The following RPA3 variants were observed in gnomAD, a reference collection of about 807,000 sequenced individuals.
RPA3 encodes the protein replication protein A 14 kDa subunit.
Under a neutral mutation model 13.7 loss-of-function variants are expected in RPA3, and 24 were observed. The ratio of observed to expected loss-of-function variants is 1.75; its 90% CI spans 1.27 to 2.46. The LOEUF (loss-of-function observed/expected upper bound fraction) is 2.46, where lower values mean the gene tolerates loss of function less well. Ranked by LOEUF, RPA3 falls within the 30% of genes most tolerant of loss-of-function variation. The pLI is 0.00. For missense variants in RPA3, 183 were observed against 151.0 expected (o/e 1.21, Z -1.11); for synonymous variants, 59 against 51.2 (o/e 1.15, Z -0.65).
intron 4 of RPA3, among the ~76,000 whole-genome samples, chr7:7,650,078 T>C (rs115237115): frequency 4.8e-4 from 73 of 152,356 alleles, no homozygotes; most frequent in African/African-American, 1.6e-3. Context: ...AGCATGCATA[T>C]TAATCTTGAA....
chr7:7,639,016 C>G, intron 6 of RPA3, 54 bp downstream of exon 6: 1 of 1,351,004 alleles, frequency 7.4e-7, no homozygotes, highest in Non-Finnish European at 1.0e-6. Context: ...CAAACCAAAT[C>G]AAGATGAAGA....
At chr7:7,701,853 G>T (rs62432582) in intron 2 of RPA3, among the ~76,000 whole-genome samples, 22,004 of 152,072 alleles carry the variant, frequency 0.14, 2,060 homozygotes, top group Non-Finnish European at 0.21. Flanking sequence ...GGGTGTATTT[G>T]CTTTCTTCAG....
rs556698006 is a variant in RPA3, at chr7:7,705,937, A to C, written c.-1028+9238T>G. On this transcript the variant is annotated intron_variant, in intron 2 of 7. Transcript: ENST00000223129. ...TCTGTACCTTCTGTTCAATTTTGCT[A>C]TGAACCTAAAACTGCTCTAAAAAAT... is the stretch of plus-strand genomic sequence containing the variant. 1.5e-4 allele frequency among the ~76,000 whole-genome samples: 23 copies of C among 152,282 alleles called. No homozygotes were observed. The South Asian group carries it at 4.3e-3, about 29-fold the overall frequency.
rs191105733 is a variant in RPA3, at chr7:7,677,563, A to C, written c.-758+8267T>G. Among the ~76,000 whole-genome samples the C allele has an allele frequency of 2.5e-3, 375 of 151,232 alleles. 1 individual carries two copies. The highest frequency in any genetic ancestry group is 2.1e-3 in the Non-Finnish European group (145 of 67,912). ...TACATGATCTCCTCTAGTACCATCTATGTTGTTGCAAAGGACAGGATTTCA... is the reference window on the plus strand; with the variant it reads ...TACATGATCTCCTCTAGTACCATCTCTGTTGTTGCAAAGGACAGGATTTCA... On this transcript the variant is annotated intron_variant, in intron 4 of 7. Transcript: ENST00000223129.
At chr7:7,654,902 C>CAA (rs71010994) in intron 4 of RPA3, among the ~76,000 whole-genome samples, 2,072 of 139,338 alleles carry the variant, frequency 0.015, 56 homozygotes, top group African/African-American at 0.047. Context: ...GACTCTGTCT[C>CAA]AAAAAAAAAA....
Position 7,637,734 on chromosome 7 carries a change from T to TCTC in RPA3, c.283+129_283+130insGAG, listed in dbSNP as rs1784887930. 6 of 496,158 alleles carry TCTC rather than the reference T, an allele frequency of 1.2e-5. No individual in the cohort carries two copies. The East Asian group carries it at 1.9e-4, about 16-fold the overall frequency. The allele number at this position is 496,158 out of a possible 1,614,324, so 30.7% of individuals were successfully genotyped here. A position where few individuals can be genotyped will look rare whatever the true frequency, so the allele number is the denominator to read the frequency against. On this transcript the variant is annotated intron_variant, in intron 7 of 7. Coordinates refer to ENST00000223129, the MANE Select transcript of RPA3 (RefSeq NM_002947.5). The stretch of plus-strand genomic sequence containing the variant: ...TATGTTATGTAATTACATACAGTTA[T>TCTC]ATAAAACTGTATGTTATGTAATTAC...
chr7:7,678,776 AAT>A (rs373685552), intron 4 of RPA3, among the ~76,000 whole-genome samples: 1,728 of 13,600 alleles, frequency 0.13, 10 homozygotes, highest in Non-Finnish European at 0.16. Context: ...TTAGTTTATA[AAT>A]ATATTTATAT....
At chr7:7,643,366 G>A (rs559728085) in intron 4 of RPA3, among the ~76,000 whole-genome samples, 17 of 152,266 alleles carry the variant, frequency 1.1e-4, no homozygotes, top group Non-Finnish European at 2.2e-4. Flanking sequence ...TGTGCCTGCC[G>A]GCAGCCTATC....
At chr7:7,640,175 A>C (rs975686191) in intron 5 of RPA3, 145 bp downstream of exon 5, 1 of 842,368 alleles carries the variant, frequency 1.2e-6, no homozygotes, top group South Asian at 1.4e-5. Flanking sequence ...CGGCTAAAGA[A>C]TTTCCAAAAA....
intron 4 of RPA3, among the ~76,000 whole-genome samples, chr7:7,641,981 G>A (rs1365290011): frequency 1.3e-5 from 2 of 152,220 alleles, no homozygotes; most frequent in Non-Finnish European, 2.9e-5. Flanking sequence ...GATGTAGAAT[G>A]TGTGTCAGTG....
At chr7:7,700,831 T>C (rs1780443183) in intron 2 of RPA3, among the ~76,000 whole-genome samples, 1 of 151,968 alleles carries the variant, frequency 6.6e-6, no homozygotes, top group South Asian at 2.1e-4. Flanking sequence ...GAGGTTGCAG[T>C]GAGCTGAGAA....
intron 4 of RPA3, among the ~76,000 whole-genome samples, chr7:7,650,965 G>T (rs1785211816): frequency 6.6e-6 from 1 of 152,156 alleles, no homozygotes; most frequent in African/African-American, 2.4e-5. Flanking sequence ...GGAACCAGCA[G>T]AATCCCCATA....
chr7:7,661,174 A>G (rs139750592), intron 4 of RPA3, among the ~76,000 whole-genome samples: 2 of 152,198 alleles, frequency 1.3e-5, no homozygotes, highest in Non-Finnish European at 2.9e-5. Context: ...CAGGTCATTT[A>G]TGTTCTTCTC....
intron 2 of RPA3, among the ~76,000 whole-genome samples, chr7:7,693,586 A>G (rs990039015): frequency 6.6e-6 from 1 of 152,144 alleles, no homozygotes; most frequent in Non-Finnish European, 1.5e-5. Flanking sequence ...TCCTTTAAAC[A>G]TTAAGGTCTA....
Position 7,711,399 on chromosome 7 carries a change from T to C in RPA3, c.-1028+3776A>G, listed in dbSNP as rs367886624. Among the ~76,000 whole-genome samples the C allele has an allele frequency of 3.9e-5, 6 of 152,314 alleles. No individual in the cohort carries two copies. The East Asian group carries it at 9.6e-4, about 24-fold the overall frequency. The stretch of plus-strand genomic sequence containing the variant: ...CTATGCACATGTTAACTTTAGTAAA[T>C]CATGGCAAATTTTTTTCCCAAGTGG... On this transcript the variant is annotated intron_variant, in intron 2 of 7. Transcript: ENST00000223129.
intron 2 of RPA3, among the ~76,000 whole-genome samples, chr7:7,713,394 CAG>C (rs1033899226): frequency 6.7e-6 from 1 of 150,098 alleles, no homozygotes; most frequent in Non-Finnish European, 1.5e-5. Flanking sequence ...AGTTTATAGA[CAG>C]AGTTTTTTTT....
intron 4 of RPA3, among the ~76,000 whole-genome samples, chr7:7,645,880 G>C (rs1785082342): frequency 6.7e-6 from 1 of 149,992 alleles, no homozygotes; most frequent in Middle Eastern, 3.2e-3. Context: ...TTTTTGTATA[G>C]TCCTTGTCAA....
At chr7:7,678,488 A>T (rs891820821) in intron 4 of RPA3, among the ~76,000 whole-genome samples, 6 of 141,544 alleles carry the variant, frequency 4.2e-5, no homozygotes, top group Non-Finnish European at 9.1e-5. Flanking sequence ...TAATTTATAG[A>T]TAATATATAT....
rs375619979 is a variant in RPA3, at chr7:7,640,401, G to A, written c.18C>T (p.Asp6=). The A allele has an allele frequency of 1.9e-6, 3 of 1,613,934 alleles. No homozygotes were observed. The highest frequency in any genetic ancestry group is 1.7e-5 in the Admixed American group (1 of 60,008). The part of the protein sequence containing the change: MVDMM[D]LPRSRINAGM... ...CGGCGTTGATGCGCGACCTGGGCAA[G>A]TCCATCATGTCCACCATGATTATGG... Residue 6 remains aspartate, a synonymous_variant, in exon 5 of 8, where the codon GAC becomes GAT. Coordinates refer to ENST00000223129, the MANE Select transcript of RPA3 (RefSeq NM_002947.5).
Sources: gnomAD v4.1 joint callset for allele counts (sites outside exome capture counted in the v4.1 genomes callset) on GRCh38, gnomAD v4.1.1 for gene constraint, MANE v1.5 for transcripts, NCBI Gene and HGNC (gene_info 2026-07-23, HGNC 2026-07-21) for gene names.